Variants in DACH2 observed in about 807,000 individuals in gnomAD.
The protein encoded by DACH2 is dachshund family transcription factor 2.
Under a neutral mutation model 35.8 loss-of-function variants are expected in DACH2, and 17 were observed. That is an observed-to-expected ratio of 0.48 (90% CI 0.33 to 0.71). DACH2 has a LOEUF of 0.71. Ranked by LOEUF, DACH2 falls within the 30% of genes least tolerant of loss-of-function variation. The pLI is 0.02. For synonymous variants in DACH2, 195 were observed against 177.3 expected, an observed-to-expected ratio of 1.10 and a Z score of -0.79; for missense variants, 469 against 472.7, an observed-to-expected ratio of 0.99 and a Z score of 0.07.
chrX:86,625,196 C>T (rs1186060534), intron 3 of DACH2, among the ~76,000 whole-genome samples: 2 of 100,422 alleles, frequency 2.0e-5, no homozygotes, highest in East Asian at 6.5e-4. Context: ...TATCTCTATA[C>T]AAAAACCTTC....
intron 3 of DACH2, among the ~76,000 whole-genome samples, chrX:86,641,173 T>C (rs1395046580): frequency 8.9e-6 from 1 of 111,760 alleles, no homozygotes; most frequent in Non-Finnish European, 1.9e-5. Flanking sequence ...TTTAGGAGGA[T>C]GGCAAAACCC....
At chrX:86,385,991 C>T (rs1423021162) in intron 2 of DACH2, among the ~76,000 whole-genome samples, 1 of 111,974 alleles carries the variant, frequency 8.9e-6, no homozygotes, top group Non-Finnish European at 1.9e-5. Flanking sequence ...CTTACAATTA[C>T]AGAATCAGTT....
At chrX:86,261,891 G>A (rs755448923) in intron 1 of DACH2, among the ~76,000 whole-genome samples, 11 of 111,063 alleles carry the variant, frequency 9.9e-5, no homozygotes, top group Non-Finnish European at 2.1e-4. Context: ...GGTGAGTGAA[G>A]TGATTATTTT....
At chrX:86,560,308 C>A (rs1478103078) in intron 3 of DACH2, among the ~76,000 whole-genome samples, 1 of 81,828 alleles carries the variant, frequency 1.2e-5, no homozygotes, top group African/African-American at 5.1e-5. Flanking sequence ...GCCGAGAGAT[C>A]CGCTGTTAGT....
At chrX:86,277,870 G>A (rs909983673) in intron 1 of DACH2, among the ~76,000 whole-genome samples, 1 of 97,886 alleles carries the variant, frequency 1.0e-5, no homozygotes, top group African/African-American at 3.9e-5. Flanking sequence ...CAATAAGTGG[G>A]TGCCTCATGA....
intron 1 of DACH2, among the ~76,000 whole-genome samples, chrX:86,331,521 T>C (rs1405963752): frequency 9.0e-6 from 1 of 111,473 alleles, no homozygotes; most frequent in Non-Finnish European, 1.9e-5. Flanking sequence ...TGAAGTCTAA[T>C]TGTCACTTAC....
chrX:86,180,132 T>A (rs2031428921), intron 1 of DACH2, among the ~76,000 whole-genome samples: 1 of 89,653 alleles, frequency 1.1e-5, no homozygotes, highest in Non-Finnish European at 2.2e-5. Flanking sequence ...ACCATAATAA[T>A]GATAAACAAT....
chrX:86,656,036 C>CA (rs1221441674), intron 4 of DACH2, among the ~76,000 whole-genome samples: 1 of 97,884 alleles, frequency 1.0e-5, no homozygotes, highest in East Asian at 3.2e-4. Flanking sequence ...AGCTCCCCCC[C>CA]CCCACTAATC....
At chrX:86,733,020 AT>A (rs1273568798) in intron 6 of DACH2, among the ~76,000 whole-genome samples, 1 of 111,601 alleles carries the variant, frequency 9.0e-6, no homozygotes. Flanking sequence ...AGGGTGCCCA[AT>A]TTAATATCAA....
intron 7 of DACH2, among the ~76,000 whole-genome samples, chrX:86,752,762 G>A (rs2041787940): frequency 9.0e-6 from 1 of 111,197 alleles, no homozygotes; most frequent in Non-Finnish European, 1.9e-5. Context: ...TAAGTAAAAT[G>A]TAATTTAAAA....
chrX:86,813,904 G>C (rs1360908076), intron 9 of DACH2, among the ~76,000 whole-genome samples: 1 of 111,426 alleles, frequency 9.0e-6, no homozygotes, highest in Non-Finnish European at 1.9e-5. Flanking sequence ...TTATTTTTAT[G>C]ACTGGCAGCA....
rs192893720 is a variant in DACH2 at position 86,546,888 on chromosome X, A to G, written c.640+32497A>G. On this transcript the variant is annotated intron_variant, in intron 3 of 11. Transcript: ENST00000373125. ...AACTACTGTTTGAAAATATCTACTT[A>G]CCTACTTTTTTGCAGGTTATAAGCC... Among the ~76,000 whole-genome samples, 10 of 110,007 alleles carry G rather than the reference A, an allele frequency of 9.1e-5. 1 individual carries two copies. The East Asian group carries it at 2.9e-3, about 32-fold the overall frequency.
chrX:86,827,655 C>T lies in DACH2; in HGVS notation c.1751-4451C>T, dbSNP rs1050260253. 6.4e-6 allele frequency: 4 copies of T among 625,739 alleles called. No individual in the cohort carries two copies. The Admixed American group carries it at 8.0e-5, about 13-fold the overall frequency. The allele number at this position is 625,739 out of a possible 1,213,427, so 51.6% of individuals were successfully genotyped here. On this transcript the variant is annotated intron_variant, in intron 11 of 11. Coordinates refer to ENST00000373125, the MANE Select transcript of DACH2 (RefSeq NM_053281.3). The stretch of plus-strand genomic sequence containing the variant: ...CAAATCTTGAACATATATAGCACAG[C>T]GAAATACTATAAAGTGAGTTTGTGG...
intron 1 of DACH2, among the ~76,000 whole-genome samples, chrX:86,289,081 C>T (rs1022881668): frequency 9.1e-6 from 1 of 109,668 alleles, no homozygotes; most frequent in Non-Finnish European, 1.9e-5. Context: ...GGGCCAAGGG[C>T]ACTTCAGTTA....
chrX:86,640,272 A>G (rs35910913), intron 3 of DACH2, among the ~76,000 whole-genome samples: 13,804 of 110,711 alleles, frequency 0.12, 755 homozygotes, highest in East Asian at 0.32. Context: ...CCTCTCTGCC[A>G]CTGCCTCTGC....
At chrX:86,428,696 T>G (rs2036933694) in intron 2 of DACH2, among the ~76,000 whole-genome samples, 1 of 110,934 alleles carries the variant, frequency 9.0e-6, no homozygotes, top group Non-Finnish European at 1.9e-5. Context: ...GATATGAAAT[T>G]TTAACGCCAG....
intron 1 of DACH2, among the ~76,000 whole-genome samples, chrX:86,346,480 A>T (rs1285070058): frequency 9.0e-6 from 1 of 110,623 alleles, no homozygotes; most frequent in Non-Finnish European, 1.9e-5. Context: ...TCTGAAGATA[A>T]AATCCTATAA....
In DACH2 at chrX:86,235,400, G is replaced by A. The variant is rs372224630; in HGVS notation, c.488+86292G>A. ...TATACAGTACTTCTTGCTATTTCAC[G>A]TCTTTACACATGCGTTTCCCCGCTT... is the stretch of plus-strand genomic sequence containing the variant. On this transcript the variant is annotated intron_variant, in intron 1 of 11. Transcript: ENST00000373125. Among the ~76,000 whole-genome samples, 7 of 112,193 alleles carry A rather than the reference G, an allele frequency of 6.2e-5. No homozygotes were observed. In the South Asian group the frequency reaches 2.2e-3, roughly 36 times the overall value.
intron 7 of DACH2, among the ~76,000 whole-genome samples, chrX:86,744,056 G>A (rs911851298): frequency 3.6e-5 from 4 of 111,310 alleles, no homozygotes; most frequent in South Asian, 3.8e-4. Flanking sequence ...ACTGTCCCAC[G>A]TACTGCAGCA....
Sources: allele counts gnomAD v4.1 joint callset (sites outside exome capture counted in the v4.1 genomes callset), GRCh38; gene constraint gnomAD v4.1.1; transcripts MANE v1.5; gene names NCBI Gene and HGNC (gene_info 2026-07-23, HGNC 2026-07-21).